Variants in PALLD observed in about 807,000 individuals in gnomAD.
PALLD encodes palladin, cytoskeletal associated protein.
In PALLD, 61 loss-of-function variants were observed where a neutral mutation model predicts 123.5. That is an observed-to-expected ratio of 0.49 (90% CI 0.40 to 0.61). The LOEUF is 0.61. Ranked by LOEUF, PALLD falls within the 20% of genes least tolerant of loss-of-function variation. PALLD has a pLI of 0.00. For synonymous variants in PALLD, 465 were observed against 496.4 expected, an observed-to-expected ratio of 0.94 and a Z score of 0.84; for missense variants, 1,273 against 1,377.0, an observed-to-expected ratio of 0.92 and a Z score of 1.20.
At chr4:168,702,791 A>G (rs559598174) in intron 8 of PALLD, among the ~76,000 whole-genome samples, 311 of 152,224 alleles carry the variant, frequency 2.0e-3, no homozygotes, top group Non-Finnish European at 3.1e-3. Flanking sequence ...TATGCATTCA[A>G]TTTAAAATTT....
chr4:168,684,104 A>C (rs1781800733), intron 5 of PALLD, among the ~76,000 whole-genome samples: 1 of 152,208 alleles, frequency 6.6e-6, no homozygotes, highest in Non-Finnish European at 1.5e-5. Context: ...ATAAATATTT[A>C]TTGAGTGCTT....
At chr4:168,766,254 G>C (rs1402768177) in intron 10 of PALLD, among the ~76,000 whole-genome samples, 1 of 152,120 alleles carries the variant, frequency 6.6e-6, no homozygotes, top group Non-Finnish European at 1.5e-5. Flanking sequence ...TTGCTACATT[G>C]CTCCTAAGTT....
At chr4:168,731,530 G>A (rs940598179) in intron 10 of PALLD, among the ~76,000 whole-genome samples, 2 of 152,096 alleles carry the variant, frequency 1.3e-5, no homozygotes, top group African/African-American at 4.8e-5. Context: ...CATGCCAAAG[G>A]GCAGATAGTC....
At chr4:168,679,386 GTGTGTGGTGTGCT>G in intron 3 of PALLD, among the ~76,000 whole-genome samples, 1 of 129,528 alleles carries the variant, frequency 7.7e-6, no homozygotes, top group African/African-American at 3.1e-5. Flanking sequence ...GTGTGTGTGT[GTGTGTGGTGTGCT>G]GTGGGGTGTG....
At chr4:168,730,454 G>A (rs1313376998) in intron 10 of PALLD, among the ~76,000 whole-genome samples, 1 of 152,020 alleles carries the variant, frequency 6.6e-6, no homozygotes, top group East Asian at 1.9e-4. Context: ...CCTGTTCCCT[G>A]CATTGTCTCT....
At chr4:168,838,713 G>T (rs1048360445) in intron 10 of PALLD, among the ~76,000 whole-genome samples, 31 of 131,464 alleles carry the variant, frequency 2.4e-4, no homozygotes, top group African/African-American at 7.4e-4. Context: ...TTTACTTGGA[G>T]CAGAGTCCTG....
At chr4:168,652,082 G>A (rs996611880) in intron 2 of PALLD, among the ~76,000 whole-genome samples, 10 of 152,102 alleles carry the variant, frequency 6.6e-5, no homozygotes, top group South Asian at 2.1e-4. Flanking sequence ...GGCAGATGTC[G>A]CTTGTGAAGC....
intron 2 of PALLD, among the ~76,000 whole-genome samples, chr4:168,583,151 CAAAACTA>C (rs1367652165): frequency 4.6e-5 from 7 of 151,886 alleles, no homozygotes; most frequent in African/African-American, 1.7e-4. Flanking sequence ...AGAATATGTA[CAAAACTA>C]AAATAAATAC....
At chr4:168,642,001 T>G (rs1580725134) in intron 2 of PALLD, among the ~76,000 whole-genome samples, 1 of 152,200 alleles carries the variant, frequency 6.6e-6, no homozygotes, top group African/African-American at 2.4e-5. Flanking sequence ...CTGCACTGAT[T>G]TCTTTCCATG....
chr4:168,734,508 C>CT (rs1218231160), intron 10 of PALLD, among the ~76,000 whole-genome samples: 1 of 152,054 alleles, frequency 6.6e-6, no homozygotes, highest in East Asian at 1.9e-4. Flanking sequence ...TGCCAATTTT[C>CT]TTTTTTCTAG....
At chr4:168,733,061 T>A (rs559632661) in intron 10 of PALLD, among the ~76,000 whole-genome samples, 2 of 152,082 alleles carry the variant, frequency 1.3e-5, no homozygotes, top group Non-Finnish European at 2.9e-5. Context: ...TTAACTGATA[T>A]ATCATAGTTG....
intron 2 of PALLD, among the ~76,000 whole-genome samples, chr4:168,632,567 C>A (rs1775938204): frequency 6.6e-6 from 1 of 152,172 alleles, no homozygotes; most frequent in African/African-American, 2.4e-5. Context: ...ATGCTACTTT[C>A]CCGGTTCTCC....
chr4:168,535,186 A>G (rs1561219572), intron 2 of PALLD, among the ~76,000 whole-genome samples: 1 of 152,178 alleles, frequency 6.6e-6, no homozygotes, highest in Admixed American at 6.5e-5. Context: ...TATCCAAGGG[A>G]GGTCCTGGAA....
At chr4:168,567,863 T>C (rs978207328) in intron 2 of PALLD, among the ~76,000 whole-genome samples, 2 of 151,882 alleles carry the variant, frequency 1.3e-5, no homozygotes, top group African/African-American at 4.8e-5. Context: ...ATTTGGGTGA[T>C]GGGTATACTA....
At chr4:168,763,983 T>G (rs1485825922) in intron 10 of PALLD, among the ~76,000 whole-genome samples, 3 of 152,198 alleles carry the variant, frequency 2.0e-5, no homozygotes, top group Admixed American at 6.5e-5. Context: ...TTTATTCATA[T>G]GTGTATTCAT....
chr4:168,855,346 C>T (rs2151000461), intron 10 of PALLD, among the ~76,000 whole-genome samples: 1 of 152,288 alleles, frequency 6.6e-6, no homozygotes, highest in Admixed American at 6.5e-5. Context: ...GCCTCGGCCT[C>T]CCAGAGTGCT....
chr4:168,511,257 A>C (rs1419390825), intron 1 of PALLD, among the ~76,000 whole-genome samples, 166 bp from the exon 2 acceptor site: 1 of 152,248 alleles, frequency 6.6e-6, no homozygotes, highest in South Asian at 2.1e-4. Flanking sequence ...TATTAAAATC[A>C]TAAAATGATC....
intron 10 of PALLD, among the ~76,000 whole-genome samples, chr4:168,791,111 C>T (rs1737454101): frequency 6.6e-6 from 1 of 152,172 alleles, no homozygotes; most frequent in Non-Finnish European, 1.5e-5. Context: ...ACCCACTCCC[C>T]ACTAGGGCCC....
intron 2 of PALLD, among the ~76,000 whole-genome samples, chr4:168,544,604 G>A (rs1057053454): frequency 6.6e-6 from 1 of 152,090 alleles, no homozygotes; most frequent in African/African-American, 2.4e-5. Flanking sequence ...AAATCATCTT[G>A]AATTACTAAA....
Sources: allele counts gnomAD v4.1 joint callset (sites outside exome capture counted in the v4.1 genomes callset), GRCh38; gene constraint gnomAD v4.1.1; transcripts MANE v1.5; gene names NCBI Gene and HGNC (gene_info 2026-07-23, HGNC 2026-07-21).